The following HOXD3 variants were observed in gnomAD, a reference collection of about 807,000 sequenced individuals.
HOXD3 encodes homeobox protein Hox-D3.
In HOXD3, 13 loss-of-function variants were observed where a neutral mutation model predicts 32.8. The observed-to-expected ratio is 0.40, with a 90% CI of 0.26 to 0.63. HOXD3 has a LOEUF of 0.63. Among genes scored for constraint, HOXD3 ranks in the 20% least tolerant of loss-of-function variants. The pLI, the probability that HOXD3 is intolerant of heterozygous loss-of-function variation, is 0.44. For synonymous variants in HOXD3, 241 were observed against 246.8 expected, an observed-to-expected ratio of 0.98 and a Z score of 0.22; for missense variants, 504 against 577.1, an observed-to-expected ratio of 0.87 and a Z score of 1.30.
At position 176,172,046 on chromosome 2, in the gene HOXD3, C is replaced by T. The variant is rs201412033; in HGVS notation, c.1071C>T (p.Tyr357=). 26 of 1,608,594 alleles carry T rather than the reference C, an allele frequency of 1.6e-5. No homozygotes were observed. In the East Asian group the frequency reaches 5.4e-4, roughly 33 times the overall value. The change falls in exon 4 of 4, where the codon TAC becomes TAT. Residue 357 remains tyrosine, a synonymous_variant. Transcript: ENST00000683222. The part of the protein sequence containing the change: ...ASANLQGSPV[Y]VGGNFVESMA... The stretch of plus-strand genomic sequence containing the variant: ...CCAACTTGCAGGGCAGCCCGGTGTA[C>T]GTGGGCGGCAACTTCGTCGAGTCCA...
chr2:176,169,482 C>A lies in HOXD3; in HGVS notation c.368C>A (p.Pro123Gln). The A allele has an allele frequency of 6.2e-7, 1 of 1,613,590 alleles. No homozygotes were observed. The highest frequency in any genetic ancestry group is 8.5e-7 in the Non-Finnish European group (1 of 1,179,774). ...CAGCCACCACAACCCCCTCCTCCAC[C>A]ACCGACCCTGCCCCCATCTTCACCC... Reference protein sequence around the residue: ...EQQPPQPPPPPPTLPPSSPTN... With the variant: ...EQQPPQPPPPQPTLPPSSPTN... Residue 123 changes from proline (P) to glutamine (Q), a missense_variant, in exon 3 of 4, where the codon CCA (proline) becomes CAA (glutamine). Coordinates refer to ENST00000683222, the MANE Select transcript of HOXD3 (RefSeq NM_006898.5).
chr2:176,171,968 G>A lies in HOXD3; in HGVS notation c.993G>A (p.Ala331=). Residue 331 remains alanine (A), a synonymous_variant, in exon 4 of 4, where the codon GCG becomes GCA. Coordinates refer to ENST00000683222, the MANE Select transcript of HOXD3 (RefSeq NM_006898.5). ...TGCCACAACAGAAGCGCTACGCAGCGCCGGAGTTCGAGCCCCATCCCATGG... is the reference window on the plus strand; with the variant it reads ...TGCCACAACAGAAGCGCTACGCAGCACCGGAGTTCGAGCCCCATCCCATGG... ...SCLPQQKRYA[A]PEFEPHPMAS... is the part of the protein sequence containing the mutation. 6.2e-7 allele frequency: 1 copy of A among 1,610,546 alleles called. No individual in the cohort carries two copies.
chr2:176,160,428 G>A (rs559087559), intron 1 of HOXD3, among the ~76,000 whole-genome samples: 1 of 152,322 alleles, frequency 6.6e-6, no homozygotes, highest in Admixed American at 6.5e-5. Context: ...TCGGCCCGGA[G>A]CTGCGAAAAT....
At chr2:176,152,686 AAG>A, upstream of HOXD3, 1 of 1,614,188 alleles carries the variant, frequency 6.2e-7, no homozygotes, top group Non-Finnish European at 8.5e-7. This position sits in a 1 kb window ranked among gnomAD's most constrained non-coding sequence, Gnocchi z 5.2. Context: ...GAACTGGAAA[AAG>A]AATTTCATTT....
rs1163239829 is a variant in HOXD3 at position 176,172,870 on chromosome 2, C to T, written c.*596C>T. 1 of 153,088 alleles carries T rather than the reference C, an allele frequency of 6.5e-6. No individual in the cohort carries two copies. Among genetic ancestry groups the T allele is most frequent in the Non-Finnish European group, 1.5e-5 (1 of 68,402 alleles). The allele number at this position is 153,088 out of a possible 1,614,324, so 9.5% of individuals were successfully genotyped here. On this transcript the variant is annotated 3_prime_UTR_variant, in exon 4 of 4. Transcript: ENST00000683222. ...ACCTCCTTAGTCCCCCTGGTCTGAACTAGTTGAGAGAGTAGTTTTGAACAG... is the reference window on the plus strand; with the variant it reads ...ACCTCCTTAGTCCCCCTGGTCTGAATTAGTTGAGAGAGTAGTTTTGAACAG...
upstream of HOXD3, among the ~76,000 whole-genome samples, chr2:176,156,533 C>G (rs953021084): frequency 1.3e-5 from 2 of 152,060 alleles, no homozygotes; most frequent in Admixed American, 1.3e-4. Flanking sequence ...GGTTCTGGGC[C>G]GAGCTGAGGC....
chr2:176,157,919 G>A (rs540933067), intron 1 of HOXD3, among the ~76,000 whole-genome samples: 1 of 152,358 alleles, frequency 6.6e-6, no homozygotes, highest in African/African-American at 2.4e-5. Flanking sequence ...GGCATCTGCC[G>A]CCTATTCTTA....
At chr2:176,152,553 G>A, upstream of HOXD3, 1 of 1,440,616 alleles carries the variant, frequency 6.9e-7, no homozygotes, top group Middle Eastern at 2.0e-4. The surrounding 1 kb of genome is among the most constrained non-coding windows in gnomAD (Gnocchi z 5.2). Flanking sequence ...GGAGGCGAGG[G>A]GCCTAACTAG....
chr2:176,164,527 A>G lies in HOXD3; in HGVS notation c.-85+359A>G, dbSNP rs186939385. On this transcript the variant is annotated intron_variant, in intron 2 of 3. Transcript: ENST00000683222. The stretch of plus-strand genomic sequence containing the variant: ...AAGAAGTCTCCTTTCGAGCAAACCC[A>G]AAAACCAGTGGTTTCGAATCCCGAA... 5.3e-5 allele frequency: 8 copies of G among 152,314 alleles called. No individual in the cohort carries two copies. In the East Asian group the frequency reaches 1.2e-3, roughly 22 times the overall value. The allele number at this position is 152,314 out of a possible 1,614,324, so 9.4% of individuals were successfully genotyped here.
intron 1 of HOXD3, among the ~76,000 whole-genome samples, chr2:176,158,739 C>A (rs542316648): frequency 6.6e-6 from 1 of 152,276 alleles, no homozygotes; most frequent in South Asian, 2.1e-4. Flanking sequence ...ATGTGCTTTG[C>A]GAGTGACTCG....
At chr2:176,152,911 A>C, upstream of HOXD3, 1 of 1,614,168 alleles carries the variant, frequency 6.2e-7, no homozygotes, top group Non-Finnish European at 8.5e-7. This position sits in a 1 kb window ranked among gnomAD's most constrained non-coding sequence, Gnocchi z 5.2. Flanking sequence ...CCGATGGCCA[A>C]AGACCACCAC....
chr2:176,163,126 G>A (rs985759515), intron 1 of HOXD3, among the ~76,000 whole-genome samples: 6 of 152,212 alleles, frequency 3.9e-5, no homozygotes, highest in Non-Finnish European at 2.9e-5. Flanking sequence ...ATCTCTTCGA[G>A]GCGCTTCTGT....
chr2:176,153,623 G>A (rs1417990917), upstream of HOXD3, among the ~76,000 whole-genome samples: 1 of 152,040 alleles, frequency 6.6e-6, no homozygotes. Flanking sequence ...AAAGGTGAAA[G>A]GGGCTGAACT....
chr2:176,170,942 TTTTTTG>T (rs1691150405), intron 3 of HOXD3, among the ~76,000 whole-genome samples: 6 of 152,126 alleles, frequency 3.9e-5, no homozygotes, highest in Non-Finnish European at 8.8e-5. Context: ...TTATTTTTTA[TTTTTTG>T]GTTTGTCACC....
chr2:176,162,378 G>A (rs1179260187), intron 1 of HOXD3, among the ~76,000 whole-genome samples: 1 of 152,172 alleles, frequency 6.6e-6, no homozygotes, highest in Admixed American at 6.5e-5. Context: ...TTTTCCTAGG[G>A]TGCTGCTGAG....
At chr2:176,152,980 G>A, upstream of HOXD3, 1 of 1,599,222 alleles carries the variant, frequency 6.3e-7, no homozygotes, top group South Asian at 1.1e-5. The surrounding 1 kb of genome is among the most constrained non-coding windows in gnomAD (Gnocchi z 5.2). Flanking sequence ...CTGCGCACCA[G>A]GCTGAGCCGA....
At chr2:176,166,793 A>G (rs1213510262) in intron 2 of HOXD3, among the ~76,000 whole-genome samples, 1 of 152,216 alleles carries the variant, frequency 6.6e-6, no homozygotes, top group Non-Finnish European at 1.5e-5. Flanking sequence ...ACAAGACAAA[A>G]CAAAAAGGGC....
intron 1 of HOXD3, among the ~76,000 whole-genome samples, chr2:176,159,574 GC>G (rs1484284003): frequency 6.6e-6 from 1 of 152,236 alleles, no homozygotes; most frequent in Non-Finnish European, 1.5e-5. Context: ...CCCGAGTGTG[GC>G]CCCGGCTGGG....
chr2:176,169,691 C>A (rs1232354489), intron 3 of HOXD3, 36 bp downstream of exon 3: 1 of 1,544,170 alleles, frequency 6.5e-7, no homozygotes. Flanking sequence ...CAGACCAAGC[C>A]CCCTCCAGAT....
Sources: allele counts gnomAD v4.1 joint callset (sites outside exome capture counted in the v4.1 genomes callset), GRCh38; gene constraint gnomAD v4.1.1; non-coding constraint Gnocchi (gnomAD v3.1); transcripts MANE v1.5; gene names NCBI Gene and HGNC (gene_info 2026-07-23, HGNC 2026-07-21).